Variants in ST6GAL1 observed in about 807,000 individuals in gnomAD.
The protein encoded by ST6GAL1 is ST6 beta-galactoside alpha-2,6-sialyltransferase 1.
Under a neutral mutation model 38.0 loss-of-function variants are expected in ST6GAL1, and 20 were observed. That is an observed-to-expected ratio of 0.53 (90% CI 0.37 to 0.77). ST6GAL1 has a LOEUF of 0.77. Ranked by LOEUF, ST6GAL1 falls within the 30% of genes least tolerant of loss-of-function variation. The pLI is 0.00. For missense variants in ST6GAL1, 432 were observed against 496.4 expected, an observed-to-expected ratio of 0.87 and a Z score of 1.23; for synonymous variants, 196 against 188.2, an observed-to-expected ratio of 1.04 and a Z score of -0.34.
intron 2 of ST6GAL1, among the ~76,000 whole-genome samples, chr3:187,019,393 C>T (rs1356726012): frequency 6.6e-6 from 1 of 152,194 alleles, no homozygotes; most frequent in African/African-American, 2.4e-5. Context: ...AATAAACTCA[C>T]GTCTTAACCA....
chr3:187,073,233 A>C (rs2108605374), intron 6 of ST6GAL1, among the ~76,000 whole-genome samples: 1 of 152,324 alleles, frequency 6.6e-6, no homozygotes, highest in East Asian at 1.9e-4. Flanking sequence ...ATTGTTCATT[A>C]ATGCAATTAT....
chr3:186,998,968 G>C (rs902874837), intron 2 of ST6GAL1, among the ~76,000 whole-genome samples: 1 of 152,234 alleles, frequency 6.6e-6, no homozygotes, highest in Admixed American at 6.5e-5. Context: ...TGCCTGGGGG[G>C]CACGAAGCTG....
intron 2 of ST6GAL1, among the ~76,000 whole-genome samples, chr3:186,973,056 A>G (rs1400312488): frequency 1.3e-5 from 2 of 152,060 alleles, no homozygotes; most frequent in Admixed American, 6.6e-5. Flanking sequence ...TATTTTTGAG[A>G]TGGAGTTTTG....
At chr3:186,970,777 C>A (rs1579282486) in intron 2 of ST6GAL1, among the ~76,000 whole-genome samples, 1 of 152,190 alleles carries the variant, frequency 6.6e-6, no homozygotes, top group East Asian at 1.9e-4. Flanking sequence ...CCATGGTATG[C>A]ATGTATCACA....
intron 2 of ST6GAL1, among the ~76,000 whole-genome samples, chr3:187,008,865 C>T (rs1471900928): frequency 6.6e-6 from 1 of 151,836 alleles, no homozygotes; most frequent in Non-Finnish European, 1.5e-5. Flanking sequence ...TTTTCTCTCT[C>T]TGTCTCTTCC....
chr3:187,001,331 T>C (rs552096146), intron 2 of ST6GAL1, among the ~76,000 whole-genome samples: 1 of 152,340 alleles, frequency 6.6e-6, no homozygotes, highest in Non-Finnish European at 1.5e-5. Flanking sequence ...ATTTTACCTT[T>C]CTCTGCCTCA....
Position 187,064,870 on chromosome 3 carries a change from C to G in ST6GAL1, c.706-7979C>G, listed in dbSNP as rs188770347. Among the ~76,000 whole-genome samples the G allele has an allele frequency of 2.9e-4, 44 of 152,290 alleles. 1 individual carries two copies. The highest frequency in any genetic ancestry group is 2.0e-3 in the Admixed American group (30 of 15,290). Reference sequence around the variant, plus strand: ...TGGATTAGTAAACGGGGTCCCCACCCCCACTCCACAAGGAGAACATCTGGC... The same window carrying G: ...TGGATTAGTAAACGGGGTCCCCACCGCCACTCCACAAGGAGAACATCTGGC... On this transcript the variant is annotated intron_variant, in intron 5 of 7. Transcript: ENST00000169298.
chr3:187,003,312 G>A (rs1441550911), intron 2 of ST6GAL1, among the ~76,000 whole-genome samples: 4 of 152,272 alleles, frequency 2.6e-5, no homozygotes, highest in Non-Finnish European at 5.9e-5. Context: ...AAGGCCCACC[G>A]TTAGAGAGGG....
At chr3:186,966,619 C>T (rs907118470) in intron 2 of ST6GAL1, among the ~76,000 whole-genome samples, 1 of 152,206 alleles carries the variant, frequency 6.6e-6, no homozygotes, top group African/African-American at 2.4e-5. Flanking sequence ...GTGCTTGGAG[C>T]TTTGCAAAAT....
chr3:186,953,457 C>T (rs541499577), intron 1 of ST6GAL1, among the ~76,000 whole-genome samples: 1 of 152,272 alleles, frequency 6.6e-6, no homozygotes, highest in South Asian at 2.1e-4. Context: ...ATTTAGATGT[C>T]ACCTTGTCAA....
chr3:186,999,093 T>C (rs1234796091), intron 2 of ST6GAL1, among the ~76,000 whole-genome samples: 2 of 152,176 alleles, frequency 1.3e-5, no homozygotes, highest in Admixed American at 6.5e-5. Flanking sequence ...TCCAAACCAT[T>C]GTTAAACTTG....
At chr3:186,964,596 G>A (rs1715039986) in intron 2 of ST6GAL1, among the ~76,000 whole-genome samples, 1 of 152,184 alleles carries the variant, frequency 6.6e-6, no homozygotes, top group Admixed American at 6.5e-5. Flanking sequence ...GTAGAAAGGT[G>A]AGGCAGAAGG....
chr3:186,979,935 A>G (rs912590813), intron 2 of ST6GAL1, among the ~76,000 whole-genome samples: 3 of 152,312 alleles, frequency 2.0e-5, no homozygotes, highest in South Asian at 2.1e-4. Flanking sequence ...AGAGCTTACT[A>G]TGTGCCAGGC....
In ST6GAL1 at chr3:187,067,140, G is replaced by A. The variant is rs567962717; in HGVS notation, c.706-5709G>A. Among the ~76,000 whole-genome samples the A allele has an allele frequency of 2.7e-4, 36 of 133,452 alleles. 1 individual carries two copies. In the South Asian group the frequency reaches 8.5e-3, roughly 31 times the overall value. 87.5% of individuals were successfully genotyped at this position (133,452 alleles called of 152,430 possible). A position where few individuals can be genotyped will look rare whatever the true frequency, so the allele number is the denominator to read the frequency against. On this transcript the variant is annotated intron_variant, in intron 5 of 7. Transcript: ENST00000169298. ...GAGTCTCTGTCACCCAGGCTGGAGT[G>A]CAGTGGTGCGATCTTGGCTCACTGC...
chr3:186,982,558 G>A (rs1440848935), intron 2 of ST6GAL1, among the ~76,000 whole-genome samples: 3 of 152,136 alleles, frequency 2.0e-5, no homozygotes, highest in Admixed American at 6.5e-5. Flanking sequence ...AGCATGTACC[G>A]TGTATCATTT....
At chr3:186,995,097 ATATT>A (rs1716319460) in intron 2 of ST6GAL1, among the ~76,000 whole-genome samples, 1 of 152,178 alleles carries the variant, frequency 6.6e-6, no homozygotes, top group African/African-American at 2.4e-5. Flanking sequence ...GTATGTGTAT[ATATT>A]AGTGTTTGAG....
At chr3:186,987,196 G>A (rs549951322) in intron 2 of ST6GAL1, among the ~76,000 whole-genome samples, 49 of 100,500 alleles carry the variant, frequency 4.9e-4, no homozygotes, top group African/African-American at 2.3e-3. Context: ...GGGAGGGAGG[G>A]AGGGAAGGAA....
At chr3:186,999,644 C>T (rs1023431945) in intron 2 of ST6GAL1, among the ~76,000 whole-genome samples, 2 of 152,076 alleles carry the variant, frequency 1.3e-5, no homozygotes, top group African/African-American at 2.4e-5. Flanking sequence ...CTCCTGACCT[C>T]ATGATCCTCC....
intron 3 of ST6GAL1, 93 bp from the exon 4 acceptor site, chr3:187,042,561 A>T (rs1041791510): frequency 6.5e-6 from 8 of 1,235,442 alleles, no homozygotes; most frequent in Non-Finnish European, 8.9e-6. Flanking sequence ...AAGTCACCTC[A>T]TTTCAAATCT....
Sources: allele counts gnomAD v4.1 joint callset (sites outside exome capture counted in the v4.1 genomes callset), GRCh38; gene constraint gnomAD v4.1.1; transcripts MANE v1.5; gene names NCBI Gene and HGNC (gene_info 2026-07-23, HGNC 2026-07-21).